ACYP2: variants seen among roughly 807,000 people sequenced by gnomAD.
ACYP2 encodes the protein acylphosphatase-2.
ACYP2 carries 12 observed loss-of-function variants against 11.2 expected under a neutral mutation model. The ratio of observed to expected loss-of-function variants is 1.08; its 90% CI spans 0.69 to 1.74. ACYP2 has a LOEUF of 1.74. ACYP2 is among the 40% of genes most tolerant of loss of function. The pLI is 0.00. For synonymous variants in ACYP2, 43 were observed against 32.2 expected (o/e 1.33, Z -1.13); for missense variants, 134 against 101.9 (o/e 1.31, Z -1.35).
intron 6 of ACYP2, among the ~76,000 whole-genome samples, chr2:54,248,283 G>A (rs983891327): frequency 6.6e-6 from 1 of 152,166 alleles, no homozygotes; most frequent in African/African-American, 2.4e-5. Flanking sequence ...GTTATTGTTT[G>A]ATTAGGTTTT....
At chr2:53,973,662 C>A in intron 1 of ACYP2, 1 of 216,102 alleles carries the variant, frequency 4.6e-6, no homozygotes, top group Non-Finnish European at 9.0e-6. Context: ...TATTCCAAAA[C>A]CTATAAGAAC....
chr2:54,200,059 T>C (rs913384323), intron 6 of ACYP2, among the ~76,000 whole-genome samples: 4 of 152,264 alleles, frequency 2.6e-5, no homozygotes, highest in African/African-American at 7.2e-5. Flanking sequence ...TTTGTTTTTA[T>C]AGAAAGGATA....
intron 4 of ACYP2, among the ~76,000 whole-genome samples, chr2:54,120,266 G>A (rs1680072725): frequency 1.3e-5 from 2 of 152,182 alleles, no homozygotes; most frequent in African/African-American, 4.8e-5. Context: ...AAGGACTTTG[G>A]GAGAGGGTTA....
chr2:54,264,623 A>G (rs1461130511), intron 6 of ACYP2, among the ~76,000 whole-genome samples: 8 of 152,246 alleles, frequency 5.3e-5, no homozygotes, highest in African/African-American at 1.9e-4. Flanking sequence ...TTGCCCAAAA[A>G]GGGATGCCGG....
chr2:54,233,255 A>G (rs1015688177), intron 6 of ACYP2, among the ~76,000 whole-genome samples: 1 of 152,030 alleles, frequency 6.6e-6, no homozygotes, highest in Non-Finnish European at 1.5e-5. Context: ...ATACCTGTGA[A>G]ACTATCACCA....
At chr2:54,089,295 A>C (rs1358028003) in intron 4 of ACYP2, among the ~76,000 whole-genome samples, 1 of 152,190 alleles carries the variant, frequency 6.6e-6, no homozygotes, top group Non-Finnish European at 1.5e-5. Context: ...ATTTATTTTT[A>C]ATATTAAAAA....
chr2:54,036,684 T>C (rs1307787684), intron 2 of ACYP2, among the ~76,000 whole-genome samples: 3 of 152,240 alleles, frequency 2.0e-5, no homozygotes, highest in Non-Finnish European at 4.4e-5. Context: ...CTCTTTGCCT[T>C]GACTTCAAGG....
At chr2:54,071,700 C>A (rs1387812914) in intron 4 of ACYP2, among the ~76,000 whole-genome samples, 1 of 152,102 alleles carries the variant, frequency 6.6e-6, no homozygotes, top group East Asian at 1.9e-4. Context: ...TTTCTGTATA[C>A]TCCAATGAAC....
chr2:54,284,205 C>T lies in ACYP2; in HGVS notation c.405-20483C>T, dbSNP rs1467408257. Among the ~76,000 whole-genome samples the T allele has an allele frequency of 3.3e-5, 5 of 151,870 alleles. No individual in the cohort carries two copies. In the East Asian group the frequency reaches 7.7e-4, roughly 23 times the overall value. ...CAAAGCCAGACTCATAAAAAGCATC[C>T]ACATGCTTGTAGGCCAAAGCAGGCT... is the stretch of plus-strand genomic sequence containing the variant. On this transcript the variant is annotated intron_variant, in intron 6 of 6. Coordinates refer to ENST00000607452, the MANE Select transcript of ACYP2 (RefSeq NM_001320586.2).
intron 2 of ACYP2, among the ~76,000 whole-genome samples, chr2:53,994,292 T>C (rs1355127287): frequency 1.6e-5 from 2 of 125,864 alleles, no homozygotes; most frequent in Admixed American, 1.0e-4. Context: ...ATCGCGCCCC[T>C]GCACTCTAGC....
In ACYP2 at chr2:54,144,124, C is replaced by T. The variant is rs1197649674; in HGVS notation, c.404+5376C>T. On this transcript the variant is annotated intron_variant, in intron 6 of 6. Transcript: ENST00000607452. ...AGCTAGGAATACAGGTATGCACCAC[C>T]ATGTCCAACTAATTTTTAAAAATTT... Among the ~76,000 whole-genome samples, 6 of 152,034 alleles carry T rather than the reference C, an allele frequency of 3.9e-5. No homozygotes were observed. The East Asian group carries it at 9.7e-4, about 25-fold the overall frequency.
chr2:54,025,724 CA>C (rs554841394), intron 2 of ACYP2, among the ~76,000 whole-genome samples: 121 of 152,236 alleles, frequency 7.9e-4, no homozygotes, highest in South Asian at 6.2e-3. Flanking sequence ...GCAAATGCAA[CA>C]AAAACAAAGA....
intron 2 of ACYP2, among the ~76,000 whole-genome samples, chr2:53,999,321 G>A (rs1672701964): frequency 6.6e-6 from 1 of 152,136 alleles, no homozygotes; most frequent in African/African-American, 2.4e-5. Flanking sequence ...TTCACAGGTG[G>A]GAGGAGGCAG....
chr2:54,131,342 T>A (rs74564774), intron 4 of ACYP2, among the ~76,000 whole-genome samples: 1 of 152,232 alleles, frequency 6.6e-6, no homozygotes, highest in Non-Finnish European at 1.5e-5. Flanking sequence ...GCTAATGGTC[T>A]TTGTCATCAT....
At chr2:54,221,576 A>G (rs1257201768) in intron 6 of ACYP2, among the ~76,000 whole-genome samples, 1 of 141,564 alleles carries the variant, frequency 7.1e-6, no homozygotes, top group African/African-American at 2.7e-5. Flanking sequence ...GCTAGAGTGC[A>G]GGGGCACAAT....
chr2:54,305,100 T>C lies in ACYP2; in HGVS notation c.*298T>C, dbSNP rs1215076948. On this transcript the variant is annotated 3_prime_UTR_variant, in exon 7 of 7. Transcript: ENST00000607452. ...TTCAATGAACATTACAGCATATATA[T>C]GTTATTTGGCGAGACATCAAATAAA... 5.2e-6 allele frequency: 1 copy of C among 192,128 alleles called. No homozygotes were observed. Among genetic ancestry groups the C allele is most frequent in the African/African-American group, 2.3e-5 (1 of 43,084 alleles). The allele number at this position is 192,128 out of a possible 1,614,324, so 11.9% of individuals were successfully genotyped here.
Position 54,257,731 on chromosome 2 carries a change from T to C in ACYP2, c.405-46957T>C, listed in dbSNP as rs1421976566. ...TAGTCACATTGATGGTTTAAATAAA[T>C]ATAAGACAGGATGTTAGACAGCTTT... On this transcript the variant is annotated intron_variant, in intron 6 of 6. Coordinates refer to ENST00000607452, the MANE Select transcript of ACYP2 (RefSeq NM_001320586.2). Among the ~76,000 whole-genome samples the C allele has an allele frequency of 5.3e-5, 8 of 152,300 alleles. No homozygotes were observed. In the East Asian group the frequency reaches 7.7e-4, roughly 15 times the overall value.
At chr2:54,244,633 C>T (rs570449654) in intron 6 of ACYP2, among the ~76,000 whole-genome samples, 8 of 152,304 alleles carry the variant, frequency 5.3e-5, no homozygotes, top group African/African-American at 1.4e-4. Flanking sequence ...CAGGAATACA[C>T]CTTCAACTAT....
At chr2:54,255,554 G>A (rs1427036878) in intron 6 of ACYP2, 2 of 1,610,612 alleles carry the variant, frequency 1.2e-6, no homozygotes, top group South Asian at 1.1e-5. Context: ...TTCAGGTGGA[G>A]ACCCACGTTC....
Sources: gnomAD v4.1 joint callset for allele counts (sites outside exome capture counted in the v4.1 genomes callset) on GRCh38, gnomAD v4.1.1 for gene constraint, MANE v1.5 for transcripts, NCBI Gene and HGNC (gene_info 2026-07-23, HGNC 2026-07-21) for gene names.